TANC2: variants seen among roughly 807,000 people sequenced by gnomAD.
The protein encoded by TANC2 is tetratricopeptide repeat, ankyrin repeat and coiled-coil containing 2.
Under a neutral mutation model 210.5 loss-of-function variants are expected in TANC2, and 26 were observed. The observed-to-expected ratio is 0.12, with a 90% CI of 0.09 to 0.17. The LOEUF (loss-of-function observed/expected upper bound fraction) is 0.17, where lower values mean the gene tolerates loss of function less well. Among genes scored for constraint, TANC2 ranks in the 10% least tolerant of loss-of-function variants. TANC2 has a pLI of 1.00. For synonymous variants in TANC2, 931 were observed against 967.1 expected, an observed-to-expected ratio of 0.96 and a Z score of 0.69; for missense variants, 2,129 against 2,608.9, an observed-to-expected ratio of 0.82 and a Z score of 4.01.
chr17:62,992,634 C>G (rs1182283287), intron 1 of TANC2, among the ~76,000 whole-genome samples: 1 of 152,120 alleles, frequency 6.6e-6, no homozygotes, highest in Admixed American at 6.6e-5. Context: ...ACATATAATA[C>G]AGTAAATGAT....
intron 9 of TANC2, among the ~76,000 whole-genome samples, chr17:63,298,124 C>T (rs907094674): frequency 1.3e-5 from 2 of 152,134 alleles, no homozygotes; most frequent in Middle Eastern, 3.2e-3. Flanking sequence ...AATAGTACAG[C>T]CACTGTGGAA....
At chr17:63,119,782 A>G (rs908959743) in intron 4 of TANC2, among the ~76,000 whole-genome samples, 2 of 152,180 alleles carry the variant, frequency 1.3e-5, no homozygotes, top group African/African-American at 2.4e-5. Flanking sequence ...TGTGAGGCTG[A>G]GATGGGAAGA....
intron 5 of TANC2, among the ~76,000 whole-genome samples, chr17:63,162,525 A>G (rs2040064263): frequency 6.6e-6 from 1 of 152,174 alleles, no homozygotes; most frequent in Non-Finnish European, 1.5e-5. Context: ...GAGAGAGGAA[A>G]TTGATGATGC....
intron 15 of TANC2, among the ~76,000 whole-genome samples, chr17:63,386,838 G>GT (rs1033901250): frequency 2.6e-5 from 4 of 151,784 alleles, no homozygotes; most frequent in Non-Finnish European, 5.9e-5. Context: ...TTTTCCTTCT[G>GT]TTTTTTGGTG....
At chr17:63,035,526 A>G (rs1043275984) in intron 2 of TANC2, among the ~76,000 whole-genome samples, 1 of 152,334 alleles carries the variant, frequency 6.6e-6, no homozygotes, top group East Asian at 1.9e-4. Context: ...TGTTGTGTCA[A>G]AAAGTACTAG....
chr17:63,239,313 T>C (rs1204631654), intron 8 of TANC2, among the ~76,000 whole-genome samples: 2 of 152,304 alleles, frequency 1.3e-5, no homozygotes, highest in East Asian at 3.9e-4. Context: ...GAAGAATAGT[T>C]GAATGTTCTG....
At chr17:63,282,613 A>G (rs2146358410) in intron 9 of TANC2, among the ~76,000 whole-genome samples, 1 of 152,202 alleles carries the variant, frequency 6.6e-6, no homozygotes, top group African/African-American at 2.4e-5. Flanking sequence ...CTGCAAAATG[A>G]TATTCAAAGT....
intron 14 of TANC2, among the ~76,000 whole-genome samples, chr17:63,373,571 C>T (rs1180991146): frequency 2.0e-5 from 3 of 152,170 alleles, no homozygotes; most frequent in Admixed American, 6.5e-5. Context: ...CCTAGGCATG[C>T]GAGCTGGGTC....
Position 63,413,532 on chromosome 17 carries a change from G to A in TANC2, c.3929-11G>A, listed in dbSNP as rs774742722. 6.3e-7 allele frequency: 1 copy of A among 1,582,562 alleles called. No homozygotes were observed. Among genetic ancestry groups the A allele is most frequent in the Non-Finnish European group, 8.6e-7 (1 of 1,164,262 alleles). ...GAGTTTTTTACCCATCATGCATCCT[G>A]TACACTACAGGTCCAGCCACATGGG... is the stretch of plus-strand genomic sequence containing the variant. On this transcript the variant is annotated splice_polypyrimidine_tract_variant and intron_variant, in intron 24 of 27. Coordinates refer to ENST00000689528, the Ensembl canonical transcript of TANC2.
chr17:63,025,456 G>C (rs967999466), intron 2 of TANC2, among the ~76,000 whole-genome samples: 1 of 152,032 alleles, frequency 6.6e-6, no homozygotes, highest in Admixed American at 6.6e-5. Context: ...AATAGTGAAG[G>C]CTATTGAAGA....
chr17:63,164,157 C>T (rs1598503900), intron 5 of TANC2, among the ~76,000 whole-genome samples: 1 of 127,330 alleles, frequency 7.9e-6, no homozygotes, highest in Admixed American at 9.1e-5. Flanking sequence ...TTGTAAGAGA[C>T]AGTATCTCGC....
At chr17:63,181,270 AT>A (rs1415258156) in intron 5 of TANC2, among the ~76,000 whole-genome samples, 1 of 152,076 alleles carries the variant, frequency 6.6e-6, no homozygotes, top group Non-Finnish European at 1.5e-5. Context: ...CCCAGGGTTG[AT>A]GTTGGAAGGG....
intron 4 of TANC2, among the ~76,000 whole-genome samples, chr17:63,136,120 A>G (rs375598548): frequency 1.1e-4 from 16 of 152,334 alleles, no homozygotes; most frequent in African/African-American, 3.6e-4. Context: ...AGATTTACAG[A>G]TAAATGAAGA....
intron 4 of TANC2, among the ~76,000 whole-genome samples, chr17:63,147,905 C>G (rs374243618): frequency 6.6e-6 from 1 of 152,142 alleles, no homozygotes; most frequent in South Asian, 2.1e-4. Flanking sequence ...CATATATGCA[C>G]GGTTCAGACT....
At chr17:63,222,954 A>G (rs1404440953) in intron 7 of TANC2, among the ~76,000 whole-genome samples, 1 of 152,242 alleles carries the variant, frequency 6.6e-6, no homozygotes, top group Non-Finnish European at 1.5e-5. Context: ...CAGTGATGAA[A>G]AGGTATGACA....
intron 2 of TANC2, among the ~76,000 whole-genome samples, chr17:63,045,207 T>G (rs987348387): frequency 2.0e-5 from 3 of 152,194 alleles, no homozygotes; most frequent in African/African-American, 7.2e-5. Context: ...AATGGCAGAG[T>G]TGAGTAGTCG....
chr17:63,080,798 C>T (rs1043553248), intron 3 of TANC2, among the ~76,000 whole-genome samples: 1 of 151,936 alleles, frequency 6.6e-6, no homozygotes, highest in Admixed American at 6.6e-5. Context: ...ATTTCTTTAT[C>T]TCAGTATAAG....
chr17:63,380,754 G>A (rs2047580625), intron 15 of TANC2, among the ~76,000 whole-genome samples: 1 of 152,182 alleles, frequency 6.6e-6, no homozygotes, highest in African/African-American at 2.4e-5. Flanking sequence ...TGGCATTAAG[G>A]ATAACTTCAA....
intron 9 of TANC2, among the ~76,000 whole-genome samples, chr17:63,309,608 T>C (rs2045049159): frequency 6.6e-6 from 1 of 152,220 alleles, no homozygotes; most frequent in Admixed American, 6.5e-5. Context: ...GTTTTATGGT[T>C]ATTTCAAGAA....
Sources: allele counts gnomAD v4.1 joint callset (sites outside exome capture counted in the v4.1 genomes callset), GRCh38; gene constraint gnomAD v4.1.1; transcripts MANE v1.5; gene names NCBI Gene and HGNC (gene_info 2026-07-23, HGNC 2026-07-21).